The following KCNJ6 variants were observed in gnomAD, a reference collection of about 807,000 sequenced individuals.
The protein encoded by KCNJ6 is G protein-activated inward rectifier potassium channel 2.
In KCNJ6, 9 loss-of-function variants were observed where a neutral mutation model predicts 34.2. That is an observed-to-expected ratio of 0.26 (90% confidence interval 0.16 to 0.46). The LOEUF is 0.46. KCNJ6 is among the 20% of genes least tolerant of loss of function. The probability of loss-of-function intolerance (pLI) is 1.00; values close to 1 mark genes in which losing one functional copy is unlikely to be tolerated. For missense variants in KCNJ6, 236 were observed against 531.3 expected (o/e 0.44, Z 5.46); for synonymous variants, 196 against 207.1 (o/e 0.95, Z 0.46).
At chr21:37,750,755 G>A (rs1468394017) in intron 2 of KCNJ6, among the ~76,000 whole-genome samples, 3 of 152,152 alleles carry the variant, frequency 2.0e-5, no homozygotes, top group African/African-American at 7.2e-5. Flanking sequence ...GGGAGGGAGA[G>A]CATTAGGAGA....
At chr21:37,707,694 C>T (rs1460754102) in intron 3 of KCNJ6, among the ~76,000 whole-genome samples, 2 of 112 alleles carry the variant, frequency 0.018, no homozygotes, top group African/African-American at 0.059. Context: ...AGCAGCACCT[C>T]AGGCTGCTTA....
intron 1 of KCNJ6, among the ~76,000 whole-genome samples, chr21:37,848,467 G>A (rs543130186): frequency 1.1e-3 from 170 of 152,266 alleles, no homozygotes; most frequent in African/African-American, 3.9e-3. Context: ...AGGTGAGAAA[G>A]CCCTCTTTGC....
chr21:37,843,288 C>T (rs188356632), intron 1 of KCNJ6, among the ~76,000 whole-genome samples: 3 of 152,260 alleles, frequency 2.0e-5, no homozygotes, highest in Non-Finnish European at 2.9e-5. Flanking sequence ...CAAATACTGC[C>T]TGGACCAGCA....
At chr21:37,822,800 T>C (rs1484761735) in intron 2 of KCNJ6, among the ~76,000 whole-genome samples, 1 of 152,200 alleles carries the variant, frequency 6.6e-6, no homozygotes. Flanking sequence ...TAAATCACTT[T>C]TAATAAATAT....
chr21:37,678,377 G>T (rs543948623), intron 3 of KCNJ6, among the ~76,000 whole-genome samples: 1 of 152,326 alleles, frequency 6.6e-6, no homozygotes, highest in South Asian at 2.1e-4. Context: ...TGAATGTTAT[G>T]GTCGGTGCTG....
intron 1 of KCNJ6, among the ~76,000 whole-genome samples, chr21:37,889,216 G>A (rs968396068): frequency 6.6e-6 from 1 of 152,204 alleles, no homozygotes; most frequent in Non-Finnish European, 1.5e-5. Context: ...TGGAGTTCAG[G>A]TCTAAAGAAA....
intron 2 of KCNJ6, among the ~76,000 whole-genome samples, chr21:37,734,588 C>T (rs537180217): frequency 1.0e-3 from 157 of 152,284 alleles, no homozygotes; most frequent in African/African-American, 3.5e-3. Flanking sequence ...ACAACATTCC[C>T]GCTATTTAAC....
At chr21:37,694,079 G>A (rs969021944) in intron 3 of KCNJ6, among the ~76,000 whole-genome samples, 15 of 152,312 alleles carry the variant, frequency 9.8e-5, no homozygotes, top group African/African-American at 3.4e-4. Context: ...TGCCAGAGGG[G>A]CGTGGGAAGT....
chr21:37,850,311 AC>A (rs1324282789), intron 1 of KCNJ6, among the ~76,000 whole-genome samples: 1 of 151,922 alleles, frequency 6.6e-6, no homozygotes, highest in Admixed American at 6.6e-5. Context: ...GGGTCCCCAA[AC>A]CCCAGGCCGT....
At chr21:37,853,861 T>TATATATATATATATATATATATATAA (rs940498600) in intron 1 of KCNJ6, among the ~76,000 whole-genome samples, 3 of 146,722 alleles carry the variant, frequency 2.0e-5, no homozygotes, top group African/African-American at 5.0e-5. Context: ...TATATATATA[T>TATATATATATATATATATATATATAA]AAATTACATT....
At chr21:37,713,491 A>C (rs2123450834) in intron 3 of KCNJ6, among the ~76,000 whole-genome samples, 1 of 152,272 alleles carries the variant, frequency 6.6e-6, no homozygotes, top group East Asian at 1.9e-4. Context: ...TAACGTGCAA[A>C]TTTCAGACAT....
intron 3 of KCNJ6, among the ~76,000 whole-genome samples, chr21:37,690,872 T>C (rs2054636603): frequency 1.3e-5 from 2 of 151,604 alleles, no homozygotes; most frequent in Admixed American, 1.3e-4. Context: ...CTCTGCTTCC[T>C]ACCGGGATCA....
At chr21:37,638,975 C>A (rs1056857334) in intron 3 of KCNJ6, among the ~76,000 whole-genome samples, 1 of 152,226 alleles carries the variant, frequency 6.6e-6, no homozygotes, top group Non-Finnish European at 1.5e-5. Context: ...AAGACTCAGA[C>A]CTCACAGCTA....
intron 2 of KCNJ6, among the ~76,000 whole-genome samples, chr21:37,773,954 C>T (rs1817216609): frequency 6.6e-6 from 1 of 152,142 alleles, no homozygotes; most frequent in South Asian, 2.1e-4. Flanking sequence ...CTCTGGGTCA[C>T]CCTCATGTGA....
intron 1 of KCNJ6, among the ~76,000 whole-genome samples, chr21:37,867,930 G>A (rs919067636): frequency 6.6e-6 from 1 of 152,152 alleles, no homozygotes; most frequent in African/African-American, 2.4e-5. Flanking sequence ...ATTAGGACTT[G>A]GCCTTTATAT....
intron 3 of KCNJ6, among the ~76,000 whole-genome samples, chr21:37,694,121 A>G (rs1207519106): frequency 1.3e-5 from 2 of 152,198 alleles, no homozygotes; most frequent in East Asian, 3.9e-4. Flanking sequence ...TGGAGGGAGA[A>G]AGGCCCCTCC....
chr21:37,714,065 G>A lies in KCNJ6; in HGVS notation c.946+146C>T, dbSNP rs552381559. 26 of 666,958 alleles carry A rather than the reference G, an allele frequency of 3.9e-5. No homozygotes were observed. The African/African-American group carries it at 4.5e-4, about 11-fold the overall frequency. 41.3% of individuals were successfully genotyped at this position (666,958 alleles called of 1,614,324 possible). A position where few individuals can be genotyped will look rare whatever the true frequency, so the allele number is the denominator to read the frequency against. On this transcript the variant is annotated intron_variant, in intron 3 of 3. Coordinates refer to ENST00000609713, the MANE Select transcript of KCNJ6 (RefSeq NM_002240.5). The surrounding 1 kb of genome is among the most constrained non-coding windows in gnomAD (Gnocchi z 5.9). ...GGTGGATATACTTCAGGTGAGACAT[G>A]TAGGCATACTATGTCATGAAGCAAG...
At chr21:37,708,712 T>TA (rs1262041189) in intron 3 of KCNJ6, among the ~76,000 whole-genome samples, 4 of 152,226 alleles carry the variant, frequency 2.6e-5, no homozygotes, top group African/African-American at 7.2e-5. Flanking sequence ...GTTGGGGTTA[T>TA]AACTCTTAAG....
At chr21:37,726,811 C>G (rs1237830586) in intron 2 of KCNJ6, among the ~76,000 whole-genome samples, 2 of 152,320 alleles carry the variant, frequency 1.3e-5, no homozygotes, top group East Asian at 3.9e-4. Flanking sequence ...CTGCATAGAG[C>G]TACTGGGAGC....
Sources: gnomAD v4.1 joint callset for allele counts (sites outside exome capture counted in the v4.1 genomes callset) on GRCh38, gnomAD v4.1.1 for gene constraint, Gnocchi (gnomAD v3.1) non-coding constraint, MANE v1.5 for transcripts, NCBI Gene and HGNC (gene_info 2026-07-23, HGNC 2026-07-21) for gene names.